The following POLR3A variants were observed in gnomAD, a reference collection of about 807,000 sequenced individuals.
POLR3A encodes RNA polymerase III subunit A.
POLR3A carries 112 observed loss-of-function variants against 152.8 expected under a neutral mutation model. That is an observed-to-expected ratio of 0.73 (90% CI 0.63 to 0.86). POLR3A has a LOEUF of 0.86. Among genes scored for constraint, POLR3A ranks in the 40% least tolerant of loss-of-function variants. POLR3A has a pLI of 0.00. For missense variants in POLR3A, 1,385 were observed against 1,743.1 expected (o/e 0.79, Z 3.66); for synonymous variants, 615 against 652.1 (o/e 0.94, Z 0.87).
chr10:78,024,405 C>T, intron 5 of POLR3A, 144 bp downstream of exon 5: 1 of 681,000 alleles, frequency 1.5e-6, no homozygotes, highest in Non-Finnish European at 2.6e-6. Flanking sequence ...TATCGGAGAG[C>T]TGTCGAACCT....
At chr10:78,026,066 G>A in intron 2 of POLR3A, 28 bp downstream of exon 2, 1 of 1,613,438 alleles carries the variant, frequency 6.2e-7, no homozygotes, top group East Asian at 2.2e-5. Context: ...GCAAGACACA[G>A]TTACCAGGAG....
intron 8 of POLR3A, 131 bp downstream of exon 8, chr10:78,021,415 A>G: frequency 1.2e-6 from 1 of 814,446 alleles, no homozygotes; most frequent in Non-Finnish European, 2.1e-6. Flanking sequence ...AGACACATAC[A>G]CTCATATAAA....
chr10:77,995,438 T>C (rs992252339), intron 19 of POLR3A, among the ~76,000 whole-genome samples: 1 of 152,076 alleles, frequency 6.6e-6, no homozygotes, highest in African/African-American at 2.4e-5. Flanking sequence ...GAGACACACA[T>C]AGGCTCAAAA....
In POLR3A at chr10:77,982,179, C is replaced by T. The variant is rs143422889; in HGVS notation, c.3734G>A (p.Arg1245Gln). 2.3e-3 allele frequency: 3,716 copies of T among 1,613,508 alleles called. 5 individuals carry two copies. The highest frequency in any genetic ancestry group is 2.9e-3 in the Non-Finnish European group (3,389 of 1,179,898). The change falls in exon 28 of 31, where the codon CGA becomes CAA. Residue 1245 changes from arginine to glutamine, a missense_variant. Arg to Gln is a conservative substitution (Grantham distance 43). Transcript: ENST00000372371. ...VMATHGVKGTRTTSNNTYEVE... is the reference protein window; with the variant it reads ...VMATHGVKGTQTTSNNTYEVE... ...CTCATAGGTGTTATTGGAGGTGGTT[C>T]GGGTGCCCTTCACACCGTGTGTGGC...
chr10:78,006,291 G>A (rs1029619335), intron 15 of POLR3A, among the ~76,000 whole-genome samples: 19 of 151,398 alleles, frequency 1.3e-4, no homozygotes, highest in African/African-American at 4.1e-4. Flanking sequence ...CAGTTACTCG[G>A]GAGGCTGTGG....
intron 5 of POLR3A, among the ~76,000 whole-genome samples, chr10:78,023,331 G>A (rs2131959614): frequency 6.6e-6 from 1 of 151,816 alleles, no homozygotes; most frequent in Non-Finnish European, 1.5e-5. Flanking sequence ...ATGGTGGCGG[G>A]CACTTGTAGT....
chr10:78,001,792 C>T (rs971206315), intron 17 of POLR3A, among the ~76,000 whole-genome samples: 3 of 152,090 alleles, frequency 2.0e-5, no homozygotes, highest in Admixed American at 6.6e-5. Flanking sequence ...CAAGCCACCA[C>T]GCCCAGCTAA....
In POLR3A at chr10:78,007,934, A is replaced by C. The variant is rs78565561; in HGVS notation, c.1910-68T>G. Reference sequence around the variant, plus strand: ...TTTGCCTTATTCCAAAATGAATTTGAGACAGTTGAGAAAATATGTTCCCAT... The same window carrying C: ...TTTGCCTTATTCCAAAATGAATTTGCGACAGTTGAGAAAATATGTTCCCAT... On this transcript the variant is annotated intron_variant, in intron 14 of 30. Transcript: ENST00000372371. 6,016 of 1,300,962 alleles carry C rather than the reference A, an allele frequency of 4.6e-3. 209 individuals carry two copies. In the African/African-American group the frequency reaches 0.076, roughly 16 times the overall value. The allele number at this position is 1,300,962 out of a possible 1,614,324, so 80.6% of individuals were successfully genotyped here.
In POLR3A at chr10:77,986,096, T is replaced by A; in HGVS notation, c.2965A>T (p.Ile989Phe). The change falls in exon 22 of 31, where the codon ATC becomes TTC. Residue 989 changes from isoleucine (I) to phenylalanine (F), a missense_variant. This residue lies in a region of POLR3A where 178 missense variants were observed against 204.6 expected (regional missense o/e 0.87). Transcript: ENST00000372371. The stretch of plus-strand genomic sequence containing the variant: ...ACCTCTGTTGTGCCGTTATCATTGA[T>A]GCCATATTTATCTCTGGTTTTCTTG... ...KIKKTRDKYG[I>F]NDNGTTEPRV... 2.5e-6 allele frequency: 4 copies of A among 1,602,270 alleles called. No homozygotes were observed. The highest frequency in any genetic ancestry group is 1.7e-6 in the Non-Finnish European group (2 of 1,169,158).
rs146253630 is a variant in POLR3A at position 77,986,123 on chromosome 10, T to C, written c.2938A>G (p.Ile980Val). 13,470 of 1,593,422 alleles carry C rather than the reference T, an allele frequency of 8.5e-3. 103 individuals are homozygous for C. Among genetic ancestry groups the C allele is most frequent in the Non-Finnish European group, 0.01 (11,960 of 1,161,104 alleles). Reference sequence around the variant, plus strand: ...CCATATTTATCTCTGGTTTTCTTGATCTTCTCAGAGACCCCCTTAATGAAT... The same window carrying C: ...CCATATTTATCTCTGGTTTTCTTGACCTTCTCAGAGACCCCCTTAATGAAT... ...KKFIKGVSEK[I>V]KKTRDKYGIN... The change falls in exon 22 of 31, where the codon ATC becomes GTC. Residue 980 changes from isoleucine (I) to valine (V), a missense_variant. Physicochemically the swap from Ile to Val is conservative, Grantham distance 29 (BLOSUM62 3). Around this residue, in one of 7 missense-constraint regions of POLR3A, gnomAD observed 178 missense variants for 204.6 expected, o/e 0.87. Transcript: ENST00000372371.
intron 1 of POLR3A, among the ~76,000 whole-genome samples, chr10:78,027,553 A>ATT (rs539681152): frequency 6.8e-6 from 1 of 147,686 alleles, no homozygotes; most frequent in African/African-American, 2.5e-5. Context: ...CTGCTAGAGG[A>ATT]TTTTTTTTTT....
chr10:78,019,242 G>C lies in POLR3A; in HGVS notation c.1209C>G (p.Phe403Leu), dbSNP rs2131956471. 1 of 1,613,818 alleles carries C rather than the reference G, an allele frequency of 6.2e-7. No individual in the cohort carries two copies. Among genetic ancestry groups the C allele is most frequent in the East Asian group, 2.2e-5 (1 of 44,878 alleles). ...GGCCGTTTTGAACCAGTTTCCTCAA[G>C]AAATTGATGTTTGCTTTGTTTACCT... ...PEKVNKANIN[F>L]LRKLVQNGPE... Residue 403 changes from phenylalanine to leucine, a missense_variant, in exon 9 of 31, where the codon TTC becomes TTG. Physicochemically the swap from Phe to Leu is conservative, Grantham distance 22. Coordinates refer to ENST00000372371, the MANE Select transcript of POLR3A (RefSeq NM_007055.4).
rs528320714 is a variant in POLR3A, at chr10:77,992,475, G to A, written c.2787+722C>T. Among the ~76,000 whole-genome samples, 1,034 of 123,202 alleles carry A rather than the reference G, an allele frequency of 8.4e-3. 9 individuals carry two copies. The highest frequency in any genetic ancestry group is 0.03 in the African/African-American group (931 of 31,444). The allele number at this position is 123,202 out of a possible 152,430, so 80.8% of individuals were successfully genotyped here. On this transcript the variant is annotated intron_variant, in intron 20 of 30. Coordinates refer to ENST00000372371, the MANE Select transcript of POLR3A (RefSeq NM_007055.4). The stretch of plus-strand genomic sequence containing the variant: ...TTTTTTTTTTTTGAGATGGAATCTC[G>A]CTCTGTTGCCAGGTTGGAGTGCAGT...
chr10:77,978,417 T>C (rs1847109170), intron 30 of POLR3A, among the ~76,000 whole-genome samples: 1 of 151,990 alleles, frequency 6.6e-6, no homozygotes, highest in Admixed American at 6.6e-5. Context: ...AAACTTCAAA[T>C]TGGGGGTGGG....
rs146155774 is a variant in POLR3A, at chr10:78,029,021, T to C, written c.44+343A>G. 2.2e-3 allele frequency among the ~76,000 whole-genome samples: 333 copies of C among 152,160 alleles called. 2 individuals are homozygous for C. The highest frequency in any genetic ancestry group is 3.6e-3 in the Non-Finnish European group (247 of 67,998). ...AATTAGAGACAGTCCCCGCCCCAGA[T>C]TGCTCCCCTCGCTGCAGCAGGGGAT... is the stretch of plus-strand genomic sequence containing the variant. On this transcript the variant is annotated intron_variant, in intron 1 of 30. Coordinates refer to ENST00000372371, the MANE Select transcript of POLR3A (RefSeq NM_007055.4).
At chr10:78,014,562 G>A (rs780848613) in intron 10 of POLR3A, among the ~76,000 whole-genome samples, 2 of 151,914 alleles carry the variant, frequency 1.3e-5, no homozygotes, top group African/African-American at 4.8e-5. Context: ...GACTACAGGC[G>A]TTTACTGCCA....
intron 19 of POLR3A, among the ~76,000 whole-genome samples, chr10:77,999,381 T>C (rs1364306257): frequency 1.3e-5 from 2 of 152,148 alleles, no homozygotes; most frequent in African/African-American, 2.4e-5. Flanking sequence ...TGTGGTCTTA[T>C]GGAAGAACAC....
At chr10:77,994,256 G>C (rs560871421) in intron 19 of POLR3A, among the ~76,000 whole-genome samples, 12 of 152,144 alleles carry the variant, frequency 7.9e-5, no homozygotes, top group Non-Finnish European at 1.5e-4. Flanking sequence ...ACGAGCTACA[G>C]GAGAGATGAT....
At chr10:78,018,622 G>A (rs1006056833) in intron 9 of POLR3A, among the ~76,000 whole-genome samples, 4 of 151,958 alleles carry the variant, frequency 2.6e-5, no homozygotes, top group Non-Finnish European at 4.4e-5. Context: ...TTGCTCTGTC[G>A]CCCAGGCTGG....
Sources: gnomAD v4.1 joint callset for allele counts (sites outside exome capture counted in the v4.1 genomes callset) on GRCh38, gnomAD v4.1.1 for gene constraint, gnomAD v4.1.1 regional missense constraint, MANE v1.5 for transcripts, NCBI Gene and HGNC (gene_info 2026-07-23, HGNC 2026-07-21) for gene names.